ADCK1: variants seen among roughly 807,000 people sequenced by gnomAD.
ADCK1 encodes aarF domain containing kinase 1.
A neutral mutation model predicts 52.3 loss-of-function variants in ADCK1; 41 were observed. The observed-to-expected ratio is 0.78, with a 90% CI of 0.61 to 1.02. The LOEUF is 1.02. Among genes scored for constraint, ADCK1 ranks in the 50% least tolerant of loss-of-function variants. ADCK1 has a pLI of 0.00. For missense variants in ADCK1, 658 were observed against 679.5 expected (o/e 0.97, Z 0.35); for synonymous variants, 250 against 274.6 (o/e 0.91, Z 0.89).
chr14:77,914,892 G>T (rs1566731544), intron 7 of ADCK1, among the ~76,000 whole-genome samples: 1 of 152,074 alleles, frequency 6.6e-6, no homozygotes, highest in Admixed American at 6.6e-5. Context: ...TGAGTATAAA[G>T]ACTTGGAGTT....
chr14:77,881,897 T>C (rs2083033168), intron 4 of ADCK1, among the ~76,000 whole-genome samples: 2 of 151,916 alleles, frequency 1.3e-5, no homozygotes, highest in African/African-American at 4.8e-5. Flanking sequence ...TCTGAAGAGG[T>C]GGGTTACAAA....
chr14:77,807,057 G>C (rs1594844329), intron 1 of ADCK1, among the ~76,000 whole-genome samples: 1 of 118,360 alleles, frequency 8.4e-6, no homozygotes, highest in South Asian at 2.7e-4. Context: ...TTTTTTTTTG[G>C]AGACAGAGTC....
chr14:77,899,601 AAC>A (rs1464753409), intron 6 of ADCK1, among the ~76,000 whole-genome samples: 1 of 152,220 alleles, frequency 6.6e-6, no homozygotes, highest in Non-Finnish European at 1.5e-5. Context: ...GCTGATAGCT[AAC>A]ACTACTGTAC....
intron 1 of ADCK1, among the ~76,000 whole-genome samples, chr14:77,803,219 A>G (rs562032732): frequency 6.6e-5 from 10 of 152,252 alleles, no homozygotes; most frequent in Admixed American, 6.5e-4. Flanking sequence ...GACTAGAAGA[A>G]ATAATGCTCA....
chr14:77,907,673 T>G, intron 6 of ADCK1, 130 bp from the exon 7 acceptor site: 1 of 630,358 alleles, frequency 1.6e-6, no homozygotes, highest in Non-Finnish European at 2.7e-6. Context: ...ACCGCTGAGG[T>G]CCCTCCTGGG....
chr14:77,810,827 G>C (rs546347458), intron 1 of ADCK1, among the ~76,000 whole-genome samples: 1 of 152,084 alleles, frequency 6.6e-6, no homozygotes, highest in East Asian at 1.9e-4. Flanking sequence ...CTCCGTGCCC[G>C]GCAAGGCTGG....
intron 4 of ADCK1, among the ~76,000 whole-genome samples, chr14:77,883,825 G>A (rs891408227): frequency 8.5e-5 from 13 of 152,168 alleles, no homozygotes; most frequent in African/African-American, 3.1e-4. Flanking sequence ...CTCACAGCTG[G>A]CTCTTGTTTA....
intron 1 of ADCK1, among the ~76,000 whole-genome samples, chr14:77,817,028 G>A (rs1464062403): frequency 6.6e-6 from 1 of 151,486 alleles, no homozygotes; most frequent in Non-Finnish European, 1.5e-5. Flanking sequence ...GATCGCCTGA[G>A]GTCAGGAGTT....
chr14:77,932,719 A>C (rs2084369183), intron 10 of ADCK1, among the ~76,000 whole-genome samples: 1 of 152,222 alleles, frequency 6.6e-6, no homozygotes. Flanking sequence ...GAAGTCTTGA[A>C]TAGGTCATCA....
At position 77,933,662 on chromosome 14, in the gene ADCK1, G is replaced by A. The variant is rs1302859139; in HGVS notation, c.*271G>A. ...CATTCCTGGTATGTGCCATTGGGTT[G>A]GATGTCCCCACTACTTCCGTTAACC... is the stretch of plus-strand genomic sequence containing the variant. On this transcript the variant is annotated 3_prime_UTR_variant, in exon 11 of 11. Coordinates refer to ENST00000238561, the MANE Select transcript of ADCK1 (RefSeq NM_020421.4). The A allele has an allele frequency of 2.3e-6, 1 of 430,460 alleles. No homozygotes were observed. Among genetic ancestry groups the A allele is most frequent in the Non-Finnish European group, 4.2e-6 (1 of 239,520 alleles). The allele number at this position is 430,460 out of a possible 1,614,324, so 26.7% of individuals were successfully genotyped here. A position where few individuals can be genotyped will look rare whatever the true frequency, so the allele number is the denominator to read the frequency against.
At chr14:77,803,861 T>A (rs543838802) in intron 1 of ADCK1, among the ~76,000 whole-genome samples, 49 of 152,176 alleles carry the variant, frequency 3.2e-4, no homozygotes, top group Non-Finnish European at 6.0e-4. Context: ...TCAAAGACGT[T>A]ACCTGTCATA....
intron 6 of ADCK1, 47 bp downstream of exon 6, chr14:77,899,305 T>C (rs533906840): frequency 6.2e-7 from 1 of 1,601,650 alleles, no homozygotes; most frequent in Non-Finnish European, 8.5e-7. Context: ...GGTGGAAGAG[T>C]GTAGCGGTAT....
intron 3 of ADCK1, among the ~76,000 whole-genome samples, chr14:77,852,656 AATAAATATATATATATATAT>A (rs1338200124): frequency 3.1e-4 from 8 of 26,186 alleles, no homozygotes; most frequent in African/African-American, 7.2e-4. Flanking sequence ...TCTTTAAATA[AATAAATATATATATATATAT>A]ATATATATAT....
At chr14:77,811,605 C>G (rs2081339971) in intron 1 of ADCK1, among the ~76,000 whole-genome samples, 1 of 152,106 alleles carries the variant, frequency 6.6e-6, no homozygotes, top group Non-Finnish European at 1.5e-5. Context: ...GAGTTCAAGA[C>G]CAACTTGAGC....
chr14:77,827,333 A>T (rs1303568417), intron 3 of ADCK1, among the ~76,000 whole-genome samples: 1 of 145,858 alleles, frequency 6.9e-6, no homozygotes. Context: ...GCCTGGCTAC[A>T]GAGTGAGACT....
chr14:77,866,873 G>T (rs760925913), intron 4 of ADCK1, among the ~76,000 whole-genome samples: 1 of 152,110 alleles, frequency 6.6e-6, no homozygotes, highest in Non-Finnish European at 1.5e-5. Flanking sequence ...CAGAAGCGGG[G>T]CAGGAGAGCC....
chr14:77,917,743 A>G (rs1310668658), intron 7 of ADCK1, among the ~76,000 whole-genome samples: 1 of 152,080 alleles, frequency 6.6e-6, no homozygotes, highest in Non-Finnish European at 1.5e-5. Context: ...ATGGCACTGT[A>G]CTGTAGCTTT....
At chr14:77,854,415 T>TA (rs1056482960) in intron 3 of ADCK1, among the ~76,000 whole-genome samples, 4 of 152,158 alleles carry the variant, frequency 2.6e-5, no homozygotes, top group Non-Finnish European at 5.9e-5. Context: ...GGAGTATAGT[T>TA]AGAGTATTGG....
intron 6 of ADCK1, among the ~76,000 whole-genome samples, chr14:77,904,437 T>G (rs2083613001): frequency 6.6e-6 from 1 of 152,248 alleles, no homozygotes; most frequent in South Asian, 2.1e-4. Flanking sequence ...CCGGTCTGAC[T>G]GCATGTCTCC....
Sources: gnomAD v4.1 joint callset for allele counts (sites outside exome capture counted in the v4.1 genomes callset) on GRCh38, gnomAD v4.1.1 for gene constraint, MANE v1.5 for transcripts, NCBI Gene and HGNC (gene_info 2026-07-23, HGNC 2026-07-21) for gene names.